The following PEX3 variants were observed in gnomAD, a reference collection of about 807,000 sequenced individuals.
PEX3 encodes the protein peroxisomal biogenesis factor 3, also known as peroxin-3.
In PEX3, 30 loss-of-function variants were observed where a neutral mutation model predicts 55.8. That is an observed-to-expected ratio of 0.54 (90% CI 0.40 to 0.73). The LOEUF (loss-of-function observed/expected upper bound fraction) is 0.73, where lower values mean the gene tolerates loss of function less well. PEX3 is among the 30% of genes least tolerant of loss of function. The pLI is 0.00. For synonymous variants in PEX3, 135 were observed against 148.4 expected (o/e 0.91, Z 0.66); for missense variants, 351 against 432.8 (o/e 0.81, Z 1.68).
Position 143,459,394 on chromosome 6 carries a change from A to G in PEX3, c.205+178A>G, listed in dbSNP as rs1171100591. 3.3e-5 allele frequency among the ~76,000 whole-genome samples: 5 copies of G among 152,242 alleles called. No homozygotes were observed. The highest frequency in any genetic ancestry group is 6.5e-5 in the Admixed American group (1 of 15,280). On this transcript the variant is annotated intron_variant, in intron 2 of 11. Transcript: ENST00000367591. This position sits in a 1 kb window ranked among gnomAD's most constrained non-coding sequence, Gnocchi z 4.2. ...GTGAATTTTAAAAATCAGTTCATTC[A>G]TTTTATTTATTCATTTAGCAAATAC...
Position 143,458,676 on chromosome 6 carries a change from A to G in PEX3, c.74-409A>G, listed in dbSNP as rs1413986054. Among the ~76,000 whole-genome samples, 1 of 152,212 alleles carries G rather than the reference A, an allele frequency of 6.6e-6. No homozygotes were observed. Among genetic ancestry groups the G allele is most frequent in the African/African-American group, 2.4e-5 (1 of 41,454 alleles). ...CTGGGATCTTATTTTATCACCTAACAGTATAACATGGATATTTCCTTGAGT... is the reference window on the plus strand; with the variant it reads ...CTGGGATCTTATTTTATCACCTAACGGTATAACATGGATATTTCCTTGAGT... On this transcript the variant is annotated intron_variant, in intron 1 of 11. Transcript: ENST00000367591. The surrounding 1 kb of genome is among the most constrained non-coding windows in gnomAD (Gnocchi z 6.1).
At chr6:143,468,807 C>CTCT (rs1780027915) in intron 4 of PEX3, among the ~76,000 whole-genome samples, 2 of 97,642 alleles carry the variant, frequency 2.0e-5, no homozygotes, top group Non-Finnish European at 4.2e-5. Flanking sequence ...GCTATCCCCC[C>CTCT]CCCCCCCACC....
At position 143,471,453 on chromosome 6, in the gene PEX3, A is replaced by C; in HGVS notation, c.523+4A>C. 1 of 1,594,294 alleles carries C rather than the reference A, an allele frequency of 6.3e-7. No homozygotes were observed. Among genetic ancestry groups the C allele is most frequent in the East Asian group, 2.2e-5 (1 of 44,672 alleles). On this transcript the variant is annotated splice_donor_region_variant and intron_variant, in intron 6 of 11. Coordinates refer to ENST00000367591, the MANE Select transcript of PEX3 (RefSeq NM_003630.3). This position sits in a 1 kb window ranked among gnomAD's most constrained non-coding sequence, Gnocchi z 5.4. The stretch of plus-strand genomic sequence containing the variant: ...ATTCAGCACCTACTTGGAGATGGTA[A>C]GATTCTTATTTGTGACTTTTATACT...
chr6:143,459,023 TA>T lies in PEX3; in HGVS notation c.74-57del, dbSNP rs1249939914. On this transcript the variant is annotated intron_variant, in intron 1 of 11. Transcript: ENST00000367591. The surrounding 1 kb of genome is among the most constrained non-coding windows in gnomAD (Gnocchi z 4.2). ...AAACTTATAATTGCATAAAGTAGGT[TA>T]AAAATACTGTGTAGAATTTTTGGTA... is the stretch of plus-strand genomic sequence containing the variant. 4.4e-6 allele frequency: 5 copies of T among 1,145,098 alleles called. No individual in the cohort carries two copies. The African/African-American group carries it at 6.2e-5, about 14-fold the overall frequency. The allele number at this position is 1,145,098 out of a possible 1,614,324, so 70.9% of individuals were successfully genotyped here.
chr6:143,459,820 T>C lies in PEX3; in HGVS notation c.205+604T>C, dbSNP rs546609039. Reference sequence around the variant, plus strand: ...CGGGCCTGTGGGCCATAGGAAAGAGTCATTAAGTTTATTAAATTTACAGTA... The same window carrying C: ...CGGGCCTGTGGGCCATAGGAAAGAGCCATTAAGTTTATTAAATTTACAGTA... On this transcript the variant is annotated intron_variant, in intron 2 of 11. Coordinates refer to ENST00000367591, the MANE Select transcript of PEX3 (RefSeq NM_003630.3). The surrounding 1 kb of genome is among the most constrained non-coding windows in gnomAD (Gnocchi z 4.2). Among the ~76,000 whole-genome samples the C allele has an allele frequency of 6.6e-6, 1 of 151,896 alleles. No homozygotes were observed. Among genetic ancestry groups the C allele is most frequent in the Admixed American group, 6.6e-5 (1 of 15,252 alleles).
At position 143,466,948 on chromosome 6, in the gene PEX3, C is replaced by G. The variant is rs1221136255; in HGVS notation, c.288-1174C>G. Among the ~76,000 whole-genome samples the G allele has an allele frequency of 6.6e-6, 1 of 151,734 alleles. No homozygotes were observed. The highest frequency in any genetic ancestry group is 1.5e-5 in the Non-Finnish European group (1 of 67,854). ...CATATAAATATTTAATATTATAAAA[C>G]TATAGTGTTTAAAAAATAATGTCCA... On this transcript the variant is annotated intron_variant, in intron 3 of 11. Transcript: ENST00000367591. This position sits in a 1 kb window ranked among gnomAD's most constrained non-coding sequence, Gnocchi z 5.4.
At position 143,471,301 on chromosome 6, in the gene PEX3, C is replaced by G; in HGVS notation, c.457-82C>G. 1 of 1,212,832 alleles carries G rather than the reference C, an allele frequency of 8.2e-7. No individual in the cohort carries two copies. The highest frequency in any genetic ancestry group is 1.2e-6 in the Non-Finnish European group (1 of 824,446). The allele number at this position is 1,212,832 out of a possible 1,614,324, so 75.1% of individuals were successfully genotyped here. On this transcript the variant is annotated intron_variant, in intron 5 of 11. Coordinates refer to ENST00000367591, the MANE Select transcript of PEX3 (RefSeq NM_003630.3). The surrounding 1 kb of genome is among the most constrained non-coding windows in gnomAD (Gnocchi z 5.4). ...CCCGTCATTTCAGATCTTGAAAAAT[C>G]TCAGCCAAAGTTTTATTGAAAACAT...
chr6:143,483,019 G>A lies in PEX3; in HGVS notation c.942-2133G>A, dbSNP rs1469920897. ...ATGCAAATAATATACAGGAGGAAAT[G>A]TTTGCTCTCTTTATGTATATATATC... On this transcript the variant is annotated intron_variant, in intron 10 of 11. Transcript: ENST00000367591. This position sits in a 1 kb window ranked among gnomAD's most constrained non-coding sequence, Gnocchi z 4.3. Among the ~76,000 whole-genome samples the A allele has an allele frequency of 1.3e-5, 2 of 152,026 alleles. No homozygotes were observed. The highest frequency in any genetic ancestry group is 4.8e-5 in the African/African-American group (2 of 41,404).
chr6:143,480,892 G>T (rs1334865301), intron 10 of PEX3, among the ~76,000 whole-genome samples: 1 of 151,984 alleles, frequency 6.6e-6, no homozygotes, highest in Non-Finnish European at 1.5e-5. Flanking sequence ...CATGCCTGTA[G>T]TCCCAGCTAA....
Position 143,470,967 on chromosome 6 carries a change from CA to C in PEX3, c.340del (p.Arg114GlufsTer20), listed in dbSNP as rs771056929. ...TTTTCTTTTCTCTGTGAAGGTTTCA[CA>C]AGAAGTACTGTGGCTGTATACAGTA... ...IWEDLKIISF[T>X]RSTVAVYSTC... On this transcript the variant is annotated frameshift_variant, in exon 5 of 12. Coordinates refer to ENST00000367591, the MANE Select transcript of PEX3 (RefSeq NM_003630.3). LOFTEE classifies it high-confidence loss of function. 1 of 1,612,594 alleles carries C rather than the reference CA, an allele frequency of 6.2e-7. No homozygotes were observed. The highest frequency in any genetic ancestry group is 1.1e-5 in the South Asian group (1 of 91,068).
At chr6:143,472,358 C>G in intron 8 of PEX3, 30 bp downstream of exon 8, 1 of 1,502,450 alleles carries the variant, frequency 6.7e-7, no homozygotes, top group Non-Finnish European at 9.2e-7. Flanking sequence ...TTAACCAAAC[C>G]AGTTACTCTA....
Position 143,453,060 on chromosome 6 carries a change from G to A in PEX3, c.73+1945G>A, listed in dbSNP as rs1779796575. 6.6e-6 allele frequency among the ~76,000 whole-genome samples: 1 copy of A among 152,098 alleles called. No individual in the cohort carries two copies. Among genetic ancestry groups the A allele is most frequent in the Non-Finnish European group, 1.5e-5 (1 of 68,018 alleles). Reference sequence around the variant, plus strand: ...TCTCAGAATTAGTGAAGGGGAACTGGAATTCAAACCCAGGTGTGTTGGACC... The same window carrying A: ...TCTCAGAATTAGTGAAGGGGAACTGAAATTCAAACCCAGGTGTGTTGGACC... On this transcript the variant is annotated intron_variant, in intron 1 of 11. Coordinates refer to ENST00000367591, the MANE Select transcript of PEX3 (RefSeq NM_003630.3). This position sits in a 1 kb window ranked among gnomAD's most constrained non-coding sequence, Gnocchi z 4.6.
At chr6:143,472,357 C>T in intron 8 of PEX3, 29 bp downstream of exon 8, 1 of 1,507,354 alleles carries the variant, frequency 6.6e-7, no homozygotes, top group Non-Finnish European at 9.2e-7. Flanking sequence ...TTTAACCAAA[C>T]CAGTTACTCT....
intron 8 of PEX3, among the ~76,000 whole-genome samples, chr6:143,472,735 A>T (rs747327885): frequency 6.6e-6 from 1 of 152,212 alleles, no homozygotes; most frequent in Non-Finnish European, 1.5e-5. Flanking sequence ...TTATATGCCA[A>T]GATAACGAGT....
At chr6:143,452,399 T>C (rs1424986217) in intron 1 of PEX3, among the ~76,000 whole-genome samples, 2 of 152,236 alleles carry the variant, frequency 1.3e-5, no homozygotes, top group Non-Finnish European at 2.9e-5. Flanking sequence ...TTATAAAAGC[T>C]AAAAATATAT....
Position 143,459,239 on chromosome 6 carries a change from C to G in PEX3, c.205+23C>G. 6.2e-7 allele frequency: 1 copy of G among 1,601,038 alleles called. No individual in the cohort carries two copies. Reference sequence around the variant, plus strand: ...CAGGTAAGACAGAGAAATATTTATACATGTGTAAAGTTGTTTGACGGTTGT... The same window carrying G: ...CAGGTAAGACAGAGAAATATTTATAGATGTGTAAAGTTGTTTGACGGTTGT... On this transcript the variant is annotated intron_variant, in intron 2 of 11. Transcript: ENST00000367591. The surrounding 1 kb of genome is among the most constrained non-coding windows in gnomAD (Gnocchi z 4.2).
Position 143,471,094 on chromosome 6 carries a change from A to G in PEX3, c.456+9A>G. 1.9e-6 allele frequency: 3 copies of G among 1,610,376 alleles called. No individual in the cohort carries two copies. Among genetic ancestry groups the G allele is most frequent in the Middle Eastern group, 3.3e-4 (2 of 6,040 alleles). On this transcript the variant is annotated intron_variant, in intron 5 of 11. Coordinates refer to ENST00000367591, the MANE Select transcript of PEX3 (RefSeq NM_003630.3). The surrounding 1 kb of genome is among the most constrained non-coding windows in gnomAD (Gnocchi z 5.4). ...TTGGCAAAAATGGCACTGTAAGTTT[A>G]ATAGACTTAAATAGACATTGTTCTT...
In PEX3 at chr6:143,471,137, A is replaced by T. The variant is rs765358282; in HGVS notation, c.456+52A>T. 1.3e-6 allele frequency: 2 copies of T among 1,499,774 alleles called. No individual in the cohort carries two copies. The highest frequency in any genetic ancestry group is 1.9e-6 in the Non-Finnish European group (2 of 1,077,090). The allele number at this position is 1,499,774 out of a possible 1,614,324, so 92.9% of individuals were successfully genotyped here. On this transcript the variant is annotated intron_variant, in intron 5 of 11. Coordinates refer to ENST00000367591, the MANE Select transcript of PEX3 (RefSeq NM_003630.3). This position sits in a 1 kb window ranked among gnomAD's most constrained non-coding sequence, Gnocchi z 5.4. ...TTGTTCTTTCCCTCAGGAGGTTCAA[A>T]GTTTAACTTATTTATCCTGATAACA... is the stretch of plus-strand genomic sequence containing the variant.
At position 143,456,852 on chromosome 6, in the gene PEX3, A is replaced by G. The variant is rs1779851719; in HGVS notation, c.74-2233A>G. The stretch of plus-strand genomic sequence containing the variant: ...AAGTGTGGCTAACTAACTACTCTGT[A>G]ATGTTCACATTCTGATTTCACGTTC... On this transcript the variant is annotated intron_variant, in intron 1 of 11. Coordinates refer to ENST00000367591, the MANE Select transcript of PEX3 (RefSeq NM_003630.3). 2.0e-5 allele frequency among the ~76,000 whole-genome samples: 3 copies of G among 152,186 alleles called. No individual in the cohort carries two copies. The South Asian group carries it at 6.2e-4, about 32-fold the overall frequency.
Sources: allele counts gnomAD v4.1 joint callset (sites outside exome capture counted in the v4.1 genomes callset), GRCh38; gene constraint gnomAD v4.1.1; non-coding constraint Gnocchi (gnomAD v3.1); transcripts MANE v1.5; gene names NCBI Gene and HGNC (gene_info 2026-07-23, HGNC 2026-07-21).